SLC51A: variants seen among roughly 807,000 people sequenced by gnomAD.
SLC51A encodes the protein solute carrier family 51 member A.
SLC51A carries 22 observed loss-of-function variants against 34.8 expected under a neutral mutation model. That is an observed-to-expected ratio of 0.63 (90% CI 0.45 to 0.90). The LOEUF (loss-of-function observed/expected upper bound fraction) is 0.90, where lower values mean the gene tolerates loss of function less well. SLC51A is among the 40% of genes least tolerant of loss of function. The probability of loss-of-function intolerance (pLI) is 0.00; values close to 1 mark genes in which losing one functional copy is unlikely to be tolerated. For synonymous variants in SLC51A, 181 were observed against 176.3 expected (o/e 1.03, Z -0.21); for missense variants, 371 against 414.8 (o/e 0.89, Z 0.92).
intron 7 of SLC51A, among the ~76,000 whole-genome samples, chr3:196,231,287 C>T (rs1174899378): frequency 6.6e-6 from 1 of 152,214 alleles, no homozygotes; most frequent in African/African-American, 2.4e-5. Context: ...TTCATCTTCA[C>T]AACGCTTCTG....
intron 2 of SLC51A, among the ~76,000 whole-genome samples, chr3:196,222,599 C>A (rs1723791420): frequency 6.6e-6 from 1 of 150,416 alleles, no homozygotes; most frequent in Non-Finnish European, 1.5e-5. Context: ...CGCGCCACTG[C>A]ACCCCAGCCT....
chr3:196,225,660 A>G (rs1200283790), intron 2 of SLC51A: 4 of 152,226 alleles, frequency 2.6e-5, no homozygotes, highest in Non-Finnish European at 4.4e-5. Context: ...TTTAAAACTA[A>G]CGGCTGCATT....
intron 2 of SLC51A, among the ~76,000 whole-genome samples, chr3:196,220,214 G>A (rs1010645521): frequency 5.3e-5 from 8 of 152,238 alleles, no homozygotes; most frequent in Non-Finnish European, 4.4e-5. Flanking sequence ...AGCTCGTGAA[G>A]GCTCTGAGGC....
chr3:196,226,768 C>T (rs1205531400), intron 2 of SLC51A, among the ~76,000 whole-genome samples, 197 bp from the exon 3 acceptor site: 5 of 116,038 alleles, frequency 4.3e-5, no homozygotes, highest in African/African-American at 7.1e-5. Flanking sequence ...AGTGAGGCTC[C>T]GTCTTAAAAA....
chr3:196,229,833 A>G (rs1488347440), intron 6 of SLC51A, 82 bp from the exon 7 acceptor site: 1 of 1,471,898 alleles, frequency 6.8e-7, no homozygotes, highest in African/African-American at 1.4e-5. Context: ...CAGCTGGGTG[A>G]CAGAGTGACA....
At chr3:196,230,799 A>G (rs1272270035) in intron 7 of SLC51A, among the ~76,000 whole-genome samples, 1 of 152,196 alleles carries the variant, frequency 6.6e-6, no homozygotes, top group East Asian at 1.9e-4. Context: ...ATCTATTTTT[A>G]GGACACCAGT....
Position 196,219,282 on chromosome 3 carries a change from G to C in SLC51A, c.133+1346G>C, listed in dbSNP as rs148670070. Among the ~76,000 whole-genome samples the C allele has an allele frequency of 8.5e-5, 13 of 152,228 alleles. No homozygotes were observed. The East Asian group carries it at 2.5e-3, about 29-fold the overall frequency. On this transcript the variant is annotated intron_variant, in intron 2 of 8. Coordinates refer to ENST00000296327, the MANE Select transcript of SLC51A (RefSeq NM_152672.6). ...AAAAGAAAGTGAAAGGCATAGGATG[G>C]GGCTCAGCTTATTCCCCGGACACCA...
Position 196,227,094 on chromosome 3 carries a change from T to C in SLC51A, c.263T>C (p.Leu88Pro). ...CTTTGCCCCATCAAGAGGCGGACTC[T>C]GCTCTGGAAGAGCTCGGCACCCACG... The part of the protein sequence containing the change: ...NTLCPIKRRT[L>P]LWKSSAPTVV... The change falls in exon 3 of 9, where the codon CTG (leucine) becomes CCG (proline). Residue 88 changes from leucine (L) to proline (P), a missense_variant. Transcript: ENST00000296327. The C allele has an allele frequency of 1.2e-6, 2 of 1,614,088 alleles. No individual in the cohort carries two copies. The highest frequency in any genetic ancestry group is 1.7e-6 in the Non-Finnish European group (2 of 1,180,040).
At chr3:196,224,654 C>T (rs1411803465) in intron 2 of SLC51A, among the ~76,000 whole-genome samples, 4 of 140,666 alleles carry the variant, frequency 2.8e-5, no homozygotes, top group South Asian at 4.6e-4. Context: ...CCAGCCTGTG[C>T]GACAAGAGTG....
chr3:196,217,155 G>C (rs1024615340), intron 1 of SLC51A, among the ~76,000 whole-genome samples: 1 of 152,194 alleles, frequency 6.6e-6, no homozygotes, highest in African/African-American at 2.4e-5. Flanking sequence ...CTTCAGGCAC[G>C]GCAGCCAGGC....
At chr3:196,229,855 A>AAGAGAGAGAG in intron 6 of SLC51A, 60 bp from the exon 7 acceptor site, 5 of 1,393,862 alleles carry the variant, frequency 3.6e-6, no homozygotes, top group Non-Finnish European at 4.8e-6. Context: ...CATCTCTTGA[A>AAGAGAGAGAG]AGAGAGAGAG....
In SLC51A at chr3:196,223,469, C is replaced by T. The variant is rs541840732; in HGVS notation, c.134-3496C>T. ...ACGTTACCCGGAATGGAGATTTTCA[C>T]GGAGCAGGGAGCAGTTAGGGAAATG... On this transcript the variant is annotated intron_variant, in intron 2 of 8. Transcript: ENST00000296327. Among the ~76,000 whole-genome samples, 124 of 151,722 alleles carry T rather than the reference C, an allele frequency of 8.2e-4. 1 individual carries two copies. The highest frequency in any genetic ancestry group is 2.4e-3 in the Admixed American group (37 of 15,186).
Position 196,230,682 on chromosome 3 carries a change from CT to C in SLC51A, c.780+622del, listed in dbSNP as rs563943425. Among the ~76,000 whole-genome samples, 81 of 152,272 alleles carry C rather than the reference CT, an allele frequency of 5.3e-4. 1 individual carries two copies. Among genetic ancestry groups the C allele is most frequent in the African/African-American group, 1.9e-3 (78 of 41,552 alleles). On this transcript the variant is annotated intron_variant, in intron 7 of 8. Coordinates refer to ENST00000296327, the MANE Select transcript of SLC51A (RefSeq NM_152672.6). ...CATTTTTAGTAGAGACGGGGTTTCGCTATGTTGGCCAGGCTGGTCTCAAACT... is the reference window on the plus strand; with the variant it reads ...CATTTTTAGTAGAGACGGGGTTTCGCATGTTGGCCAGGCTGGTCTCAAACT...
intron 7 of SLC51A, among the ~76,000 whole-genome samples, chr3:196,231,363 T>C (rs939713911): frequency 6.6e-6 from 1 of 152,166 alleles, no homozygotes; most frequent in African/African-American, 2.4e-5. Flanking sequence ...CAAAGATGAC[T>C]TTTCCACCAA....
chr3:196,221,871 A>T (rs934671021), intron 2 of SLC51A, among the ~76,000 whole-genome samples: 9 of 151,714 alleles, frequency 5.9e-5, no homozygotes, highest in Admixed American at 3.9e-4. Context: ...GCCCGCCACC[A>T]CACCCGGCTA....
chr3:196,227,250 G>C (rs1723921353), intron 3 of SLC51A, 131 bp downstream of exon 3: 1 of 931,158 alleles, frequency 1.1e-6, no homozygotes, highest in Non-Finnish European at 1.6e-6. Context: ...GCCGAGGTTT[G>C]CAGGCCGACC....
rs1409027915 is a variant in SLC51A, at chr3:196,232,421, TCTC to T, written c.787_789del (p.Leu263del). The stretch of plus-strand genomic sequence containing the variant: ...TGCCTCTCTTTTATGTTCCGCAGGT[TCTC>T]CTCATCCTGACTGCCCTACAGCCCT... On this transcript the variant is annotated inframe_deletion, in exon 8 of 9. Coordinates refer to ENST00000296327, the MANE Select transcript of SLC51A (RefSeq NM_152672.6). 4 of 1,613,472 alleles carry T rather than the reference TCTC, an allele frequency of 2.5e-6. No homozygotes were observed. The highest frequency in any genetic ancestry group is 3.4e-6 in the Non-Finnish European group (4 of 1,179,486).
At chr3:196,222,008 C>G (rs1366305286) in intron 2 of SLC51A, among the ~76,000 whole-genome samples, 3 of 151,942 alleles carry the variant, frequency 2.0e-5, no homozygotes, top group African/African-American at 4.8e-5. Flanking sequence ...GTGAGCCCCC[C>G]CGCCCGGCCT....
At chr3:196,223,737 T>TAA (rs71161915) in intron 2 of SLC51A, 3,531 of 250,064 alleles carry the variant, frequency 0.014, 113 homozygotes, top group African/African-American at 0.079. Flanking sequence ...CAGGTTTAGT[T>TAA]AAAAAAAAAA....
Sources: gnomAD v4.1 joint callset for allele counts (sites outside exome capture counted in the v4.1 genomes callset) on GRCh38, gnomAD v4.1.1 for gene constraint, MANE v1.5 for transcripts, NCBI Gene and HGNC (gene_info 2026-07-23, HGNC 2026-07-21) for gene names.